PTPN13: variants seen among roughly 807,000 people sequenced by gnomAD.
The protein encoded by PTPN13 is protein tyrosine phosphatase non-receptor type 13.
In PTPN13, 191 loss-of-function variants were observed where a neutral mutation model predicts 284.0. The ratio of observed to expected loss-of-function variants is 0.67; its 90% CI spans 0.60 to 0.76. The LOEUF (loss-of-function observed/expected upper bound fraction) is 0.76, where lower values mean the gene tolerates loss of function less well. Ranked by LOEUF, PTPN13 falls within the 30% of genes least tolerant of loss-of-function variation. The pLI is 0.00. For synonymous variants in PTPN13, 986 were observed against 1,022.3 expected (o/e 0.96, Z 0.68); for missense variants, 2,797 against 2,939.9 (o/e 0.95, Z 1.12).
chr4:86,608,615 A>C (rs989490131), intron 1 of PTPN13, among the ~76,000 whole-genome samples: 3 of 152,252 alleles, frequency 2.0e-5, no homozygotes, highest in Non-Finnish European at 2.9e-5. Context: ...GATAATGGAA[A>C]CTGAGGTGCA....
intron 6 of PTPN13, among the ~76,000 whole-genome samples, chr4:86,699,928 G>A (rs975920674): frequency 3.9e-5 from 6 of 152,080 alleles, no homozygotes; most frequent in Admixed American, 6.6e-5. Flanking sequence ...GTTAGAAGCT[G>A]GAGTCTGTGA....
Position 86,701,259 on chromosome 4 carries a change from A to G in PTPN13, c.653A>G (p.Asp218Gly). 1 of 1,569,866 alleles carries G rather than the reference A, an allele frequency of 6.4e-7. No homozygotes were observed. The change falls in exon 7 of 48, where the codon GAT becomes GGT. Residue 218 changes from aspartate (D) to glycine (G), a missense_variant. Physicochemically the swap from Asp to Gly is moderately conservative, Grantham distance 94 (BLOSUM62 -1). Transcript: ENST00000411767. ...GLPTGRSSTS[D>G]VLDIQKPPLS... ...ATTCCAGGAAGAAGCTCTACTTCTG[A>G]TGTACTAGACATACAAAAGCCTCCA...
chr4:86,734,886 T>G lies in PTPN13; in HGVS notation c.2151+11T>G. ...GATTATCAACCAGAGGTAGGATTTGTGTTTTTTTCCAGGACCATTTTTGTT... is the reference window on the plus strand; with the variant it reads ...GATTATCAACCAGAGGTAGGATTTGGGTTTTTTTCCAGGACCATTTTTGTT... On this transcript the variant is annotated intron_variant, in intron 14 of 47. Transcript: ENST00000411767. 6.2e-7 allele frequency: 1 copy of G among 1,607,520 alleles called. No homozygotes were observed.
chr4:86,799,825 CTTTTTTTTTTTTT>C (rs925434357), intron 42 of PTPN13, among the ~76,000 whole-genome samples: 3 of 83,212 alleles, frequency 3.6e-5, no homozygotes, highest in Non-Finnish European at 7.0e-5. Flanking sequence ...TCAAGGGGCA[CTTTTTTTTTTTTT>C]TTTTTTTTTT....
In PTPN13 at chr4:86,615,562, G is replaced by A. The variant is rs1004053166; in HGVS notation, c.-5-19690G>A. Among the ~76,000 whole-genome samples the A allele has an allele frequency of 8.5e-5, 13 of 152,158 alleles. No homozygotes were observed. The East Asian group carries it at 2.3e-3, about 27-fold the overall frequency. ...ATTATAGCATTTTACAGACAATATA[G>A]TGTTAGACTTGGAAAACATGTTAGA... On this transcript the variant is annotated intron_variant, in intron 1 of 47. Transcript: ENST00000411767.
At position 86,765,399 on chromosome 4, in the gene PTPN13, G is replaced by T; in HGVS notation, c.4154G>T (p.Gly1385Val). The T allele has an allele frequency of 1.9e-6, 3 of 1,595,110 alleles. No homozygotes were observed. The highest frequency in any genetic ancestry group is 1.1e-5 in the South Asian group (1 of 87,642). The change falls in exon 26 of 48, where the codon GGT (glycine) becomes GTT (valine). Residue 1385 changes from glycine (G) to valine (V), a missense_variant. By Grantham distance (109) the Gly-to-Val change is moderately radical. Transcript: ENST00000411767. ...DNSLGISVTG[G>V]VNTSVRHGGI... The stretch of plus-strand genomic sequence containing the variant: ...ATTTTGTCTTTTTCTCTTTAGGGAG[G>T]TGTGAATACGAGTGTCAGACATGGT...
At chr4:86,641,467 C>T (rs1723776788) in intron 2 of PTPN13, among the ~76,000 whole-genome samples, 1 of 152,018 alleles carries the variant, frequency 6.6e-6, no homozygotes, top group African/African-American at 2.4e-5. Flanking sequence ...GAACAAAAGC[C>T]AAGAAAATTA....
chr4:86,602,346 G>A (rs1157178316), intron 1 of PTPN13, among the ~76,000 whole-genome samples: 1 of 152,070 alleles, frequency 6.6e-6, no homozygotes, highest in Non-Finnish European at 1.5e-5. Flanking sequence ...TGATAACCAA[G>A]CCTACTTTAT....
In PTPN13 at chr4:86,807,714, A is replaced by C; in HGVS notation, c.6900A>C (p.Gln2300His). The C allele has an allele frequency of 3.1e-6, 5 of 1,614,038 alleles. No individual in the cohort carries two copies. Among genetic ancestry groups the C allele is most frequent in the Non-Finnish European group, 4.2e-6 (5 of 1,179,896 alleles). ...ACTTCTGGCAGATGATTTGGGAGCA[A>C]AAATCCACAGTGATAGCCATGATGA... Reference protein sequence around the residue: ...VGDFWQMIWEQKSTVIAMMTQ... With the variant: ...VGDFWQMIWEHKSTVIAMMTQ... Residue 2300 changes from glutamine (Q) to histidine (H), a missense_variant, in exon 45 of 48, where the codon CAA becomes CAC. Transcript: ENST00000411767.
chr4:86,787,064 G>A (rs916789851), intron 40 of PTPN13, among the ~76,000 whole-genome samples: 3 of 151,022 alleles, frequency 2.0e-5, no homozygotes, highest in South Asian at 2.1e-4. Context: ...AGATCATGCC[G>A]TTGCACTCCA....
chr4:86,748,884 T>C (rs113312596), intron 17 of PTPN13, among the ~76,000 whole-genome samples: 4,664 of 152,238 alleles, frequency 0.031, 233 homozygotes, highest in African/African-American at 0.11. Context: ...CTCGATCTCC[T>C]GACCTCATGA....
chr4:86,620,414 C>T (rs537068150), intron 1 of PTPN13, among the ~76,000 whole-genome samples: 1 of 152,284 alleles, frequency 6.6e-6, no homozygotes, highest in East Asian at 1.9e-4. Context: ...CCACTCTGGT[C>T]TCCCCAAAGT....
At chr4:86,637,428 C>T (rs1014756985) in intron 2 of PTPN13, among the ~76,000 whole-genome samples, 3 of 151,584 alleles carry the variant, frequency 2.0e-5, no homozygotes, top group Admixed American at 6.6e-5. Context: ...CAAAAATCCT[C>T]AATAAAATAC....
rs543824150 is a variant in PTPN13 at position 86,648,764 on chromosome 4, CAT to C, written c.115+13396_115+13397del. On this transcript the variant is annotated intron_variant, in intron 2 of 47. Coordinates refer to ENST00000411767, the MANE Select transcript of PTPN13 (RefSeq NM_080683.3). ...ATACCTAGCAGTGGGATTGCTGAAT[CAT>C]ATGGTAGTTCCATTTTTATTTTTTT... Among the ~76,000 whole-genome samples, 53 of 152,276 alleles carry C rather than the reference CAT, an allele frequency of 3.5e-4. No homozygotes were observed. In the South Asian group the frequency reaches 0.011, roughly 32 times the overall value.
At position 86,717,039 on chromosome 4, in the gene PTPN13, C is replaced by T; in HGVS notation, c.1307C>T (p.Ala436Val). The T allele has an allele frequency of 6.2e-7, 1 of 1,612,114 alleles. No individual in the cohort carries two copies. Among genetic ancestry groups the T allele is most frequent in the Non-Finnish European group, 8.5e-7 (1 of 1,178,812 alleles). ...TCATAATTAGTGAGAAGAAGTGAAG[C>T]CTCAAAGAGGTTTGAATCCAGCAGT... ...SDFRQVRRSEASKRFESSSGL... is the reference protein window; with the variant it reads ...SDFRQVRRSEVSKRFESSSGL... Residue 436 changes from alanine (A) to valine (V), a missense_variant, in exon 9 of 48, where the codon GCC becomes GTC. Physicochemically the swap from Ala to Val is moderately conservative, Grantham distance 64. Transcript: ENST00000411767.
intron 17 of PTPN13, among the ~76,000 whole-genome samples, chr4:86,745,995 C>T (rs1736720757): frequency 6.6e-6 from 1 of 152,070 alleles, no homozygotes; most frequent in African/African-American, 2.4e-5. Flanking sequence ...GGGAAGTATG[C>T]ACCCAGAACA....
At chr4:86,680,632 CT>C (rs976150288) in intron 3 of PTPN13, among the ~76,000 whole-genome samples, 2 of 152,134 alleles carry the variant, frequency 1.3e-5, no homozygotes, top group Non-Finnish European at 2.9e-5. Context: ...ATTAATACCC[CT>C]GATCATGAGG....
rs1326760921 is a variant in PTPN13 at position 86,732,599 on chromosome 4, A to G, written c.1691A>G (p.Lys564Arg). ...TTATTTTTTCAATTGTAGACTAAGA[A>G]AGGGAAGAATGAGGATAACCGAAGG... Reference protein sequence around the residue: ...LDLPRSILTKKGKNEDNRRKV... With the variant: ...LDLPRSILTKRGKNEDNRRKV... The change falls in exon 12 of 48, where the codon AAA (lysine) becomes AGA (arginine). Residue 564 changes from lysine (K) to arginine (R), a missense_variant. Coordinates refer to ENST00000411767, the MANE Select transcript of PTPN13 (RefSeq NM_080683.3). 1.2e-6 allele frequency: 2 copies of G among 1,612,440 alleles called. No individual in the cohort carries two copies. Among genetic ancestry groups the G allele is most frequent in the East Asian group, 4.5e-5 (2 of 44,798 alleles).
intron 35 of PTPN13, among the ~76,000 whole-genome samples, chr4:86,776,060 C>G (rs1024413368): frequency 1.3e-5 from 2 of 152,204 alleles, no homozygotes; most frequent in Non-Finnish European, 2.9e-5. Flanking sequence ...GATCTCCTGC[C>G]TCAGCCTCCC....
Sources: gnomAD v4.1 joint callset for allele counts (sites outside exome capture counted in the v4.1 genomes callset) on GRCh38, gnomAD v4.1.1 for gene constraint, MANE v1.5 for transcripts, NCBI Gene and HGNC (gene_info 2026-07-23, HGNC 2026-07-21) for gene names.